LRBA: variants seen among roughly 807,000 people sequenced by gnomAD.
The protein encoded by LRBA is lipopolysaccharide-responsive and beige-like anchor protein.
LRBA carries 176 observed loss-of-function variants against 330.0 expected under a neutral mutation model. That is an observed-to-expected ratio of 0.53 (90% CI 0.47 to 0.60). The LOEUF (loss-of-function observed/expected upper bound fraction) is 0.60, where lower values mean the gene tolerates loss of function less well. LRBA is among the 20% of genes least tolerant of loss of function. The probability of loss-of-function intolerance (pLI) is 0.00; values close to 1 mark genes in which losing one functional copy is unlikely to be tolerated. For synonymous variants in LRBA, 1,230 were observed against 1,193.0 expected (o/e 1.03, Z -0.64); for missense variants, 3,259 against 3,444.8 (o/e 0.95, Z 1.35).
chr4:150,634,938 T>C (rs552047843), intron 37 of LRBA, among the ~76,000 whole-genome samples: 5 of 152,298 alleles, frequency 3.3e-5, no homozygotes, highest in African/African-American at 1.2e-4. Context: ...AGAGAAAGAA[T>C]GTGTAGGACA....
intron 40 of LRBA, among the ~76,000 whole-genome samples, chr4:150,585,305 T>C (rs1479929079): frequency 6.6e-6 from 1 of 152,180 alleles, no homozygotes; most frequent in East Asian, 1.9e-4. Context: ...AATGGCTTAG[T>C]TGTAAATTCC....
At chr4:150,311,539 A>C (rs1326672429) in intron 51 of LRBA, among the ~76,000 whole-genome samples, 4 of 152,236 alleles carry the variant, frequency 2.6e-5, no homozygotes, top group Non-Finnish European at 2.9e-5. Flanking sequence ...GCTGGGAGCC[A>C]CTGGGGACAC....
intron 40 of LRBA, among the ~76,000 whole-genome samples, chr4:150,544,453 GC>G (rs1487450790): frequency 1.3e-5 from 2 of 152,000 alleles, no homozygotes; most frequent in Non-Finnish European, 2.9e-5. Context: ...TTTACCCTAA[GC>G]CTGGAATACA....
At chr4:150,639,771 ATATATATATATGTGTG>A (rs1478713353) in intron 37 of LRBA, among the ~76,000 whole-genome samples, 723 of 7,990 alleles carry the variant, frequency 0.09, 128 homozygotes, top group African/African-American at 0.18. Context: ...ATATATATAT[ATATATATATATGTGTG>A]TGTGTATATA....
At chr4:150,853,205 A>G (rs995489007) in intron 22 of LRBA, among the ~76,000 whole-genome samples, 1 of 152,192 alleles carries the variant, frequency 6.6e-6, no homozygotes, top group Non-Finnish European at 1.5e-5. Context: ...CCTATTATTA[A>G]ACATGTATAG....
chr4:150,266,939 C>G (rs1745426433), intron 56 of LRBA, among the ~76,000 whole-genome samples: 1 of 152,032 alleles, frequency 6.6e-6, no homozygotes, highest in Admixed American at 6.5e-5. Flanking sequence ...AATAGTCTTT[C>G]AGTCAAAAAC....
intron 44 of LRBA, among the ~76,000 whole-genome samples, chr4:150,442,182 CA>C (rs1429277329): frequency 6.6e-6 from 1 of 151,988 alleles, no homozygotes; most frequent in Non-Finnish European, 1.5e-5. Context: ...TTTTAAAACC[CA>C]AAAGTCTCAA....
intron 48 of LRBA, among the ~76,000 whole-genome samples, chr4:150,333,338 A>G (rs1413596920): frequency 2.6e-5 from 4 of 152,130 alleles, no homozygotes; most frequent in African/African-American, 9.6e-5. Context: ...ATTGTATTTT[A>G]TCACCTACAT....
intron 48 of LRBA, among the ~76,000 whole-genome samples, chr4:150,346,898 C>G (rs907366374): frequency 6.7e-6 from 1 of 150,102 alleles, no homozygotes; most frequent in African/African-American, 2.5e-5. Flanking sequence ...GGCATTTGAA[C>G]AGATGGTGTA....
intron 34 of LRBA, among the ~76,000 whole-genome samples, chr4:150,797,482 T>C (rs982013652): frequency 2.6e-5 from 4 of 151,940 alleles, no homozygotes; most frequent in Non-Finnish European, 5.9e-5. Flanking sequence ...CCTCACAGGA[T>C]ACATGATTTT....
chr4:150,413,367 C>A (rs955979621), intron 47 of LRBA, among the ~76,000 whole-genome samples: 1 of 151,472 alleles, frequency 6.6e-6, no homozygotes, highest in Non-Finnish European at 1.5e-5. Context: ...TTTATAATAG[C>A]CCAAACTAGA....
rs1730570042 is a variant in LRBA at position 150,900,191 on chromosome 4, C to T, written c.1782G>A (p.Leu594=). The T allele has an allele frequency of 6.2e-7, 1 of 1,612,978 alleles. No homozygotes were observed. The highest frequency in any genetic ancestry group is 8.5e-7 in the Non-Finnish European group (1 of 1,179,334). Residue 594 remains leucine (L), a synonymous_variant, in exon 14 of 57, where the codon CTG becomes CTA. Coordinates refer to ENST00000651943, the MANE Select transcript of LRBA (RefSeq NM_001364905.1). Reference sequence around the variant, plus strand: ...TGACTGTACCAATGAATTCCGTGGACAGATAAGTATAGAGCATCAGTTGAA... The same window carrying T: ...TGACTGTACCAATGAATTCCGTGGATAGATAAGTATAGAGCATCAGTTGAA... ...AKVQLMLYTY[L]STEFIGTVNI...
rs955134040 is a variant in LRBA, at chr4:150,265,601, CT to C, written c.*120del. The C allele has an allele frequency of 2.0e-5, 13 of 662,658 alleles. No homozygotes were observed. The African/African-American group carries it at 2.2e-4, about 11-fold the overall frequency. The allele number at this position is 662,658 out of a possible 1,614,324, so 41.0% of individuals were successfully genotyped here. A position where few individuals can be genotyped will look rare whatever the true frequency, so the allele number is the denominator to read the frequency against. On this transcript the variant is annotated 3_prime_UTR_variant, in exon 57 of 57. Coordinates refer to ENST00000651943, the MANE Select transcript of LRBA (RefSeq NM_001364905.1). ...CTACAAAAATAGCAATTATTAATAA[CT>C]TTAAAAAATATTTTGCTTCTTTGAG... is the stretch of plus-strand genomic sequence containing the variant.
intron 2 of LRBA, among the ~76,000 whole-genome samples, chr4:150,948,665 G>A (rs982343496): frequency 3.3e-5 from 5 of 151,878 alleles, no homozygotes; most frequent in Non-Finnish European, 7.4e-5. Flanking sequence ...GGATGAAATG[G>A]CAAGCTACAA....
intron 48 of LRBA, among the ~76,000 whole-genome samples, chr4:150,338,827 G>A (rs1157374781): frequency 6.6e-6 from 1 of 152,058 alleles, no homozygotes; most frequent in African/African-American, 2.4e-5. Context: ...ATGTGACTCT[G>A]GCATTAGTTA....
At chr4:150,330,006 GAA>G (rs1733782321) in intron 48 of LRBA, among the ~76,000 whole-genome samples, 1 of 152,062 alleles carries the variant, frequency 6.6e-6, no homozygotes, top group Non-Finnish European at 1.5e-5. Context: ...ATATCCTGCA[GAA>G]CTAAGTTTTC....
At chr4:150,966,035 G>A (rs1013181578) in intron 2 of LRBA, among the ~76,000 whole-genome samples, 4 of 152,136 alleles carry the variant, frequency 2.6e-5, no homozygotes, top group African/African-American at 9.7e-5. Context: ...CACAGGTACT[G>A]GATGAGATAC....
chr4:150,739,681 T>C (rs1307027760), intron 35 of LRBA, among the ~76,000 whole-genome samples: 1 of 152,148 alleles, frequency 6.6e-6, no homozygotes, highest in Admixed American at 6.6e-5. Flanking sequence ...CTATTGACGC[T>C]CTCCCTTAAT....
intron 36 of LRBA, among the ~76,000 whole-genome samples, chr4:150,717,630 A>G (rs568505484): frequency 2.3e-4 from 34 of 149,148 alleles, no homozygotes; most frequent in Admixed American, 1.9e-3. Context: ...ACTACATTCC[A>G]GCCTGGGTGA....
Sources: allele counts gnomAD v4.1 joint callset (sites outside exome capture counted in the v4.1 genomes callset), GRCh38; gene constraint gnomAD v4.1.1; transcripts MANE v1.5; gene names NCBI Gene and HGNC (gene_info 2026-07-23, HGNC 2026-07-21).